CDH18: variants seen among roughly 807,000 people sequenced by gnomAD.
The protein encoded by CDH18 is cadherin 18, also known as cadherin-18.
A neutral mutation model predicts 67.9 loss-of-function variants in CDH18; 31 were observed. The observed-to-expected ratio is 0.46, with a 90% CI of 0.34 to 0.62. CDH18 has a LOEUF of 0.62. Ranked by LOEUF, CDH18 falls within the 20% of genes least tolerant of loss-of-function variation. The pLI, the probability that CDH18 is intolerant of heterozygous loss-of-function variation, is 0.01. For missense variants in CDH18, 890 were observed against 975.5 expected (o/e 0.91, Z 1.17); for synonymous variants, 362 against 347.2 (o/e 1.04, Z -0.48).
chr5:19,960,630 TATATGTATAC>T (rs1172259852), intron 2 of CDH18, among the ~76,000 whole-genome samples: 1 of 117,094 alleles, frequency 8.5e-6, no homozygotes, highest in Non-Finnish European at 1.6e-5. Flanking sequence ...TATACACGTG[TATATGTATAC>T]ATATACACGT....
intron 1 of CDH18, among the ~76,000 whole-genome samples, chr5:20,417,537 G>A (rs1434578668): frequency 6.6e-6 from 1 of 152,102 alleles, no homozygotes; most frequent in East Asian, 1.9e-4. Context: ...AATAAATATG[G>A]TGAAACCCCA....
chr5:20,301,473 T>A (rs1281828471), intron 1 of CDH18, among the ~76,000 whole-genome samples: 2 of 152,182 alleles, frequency 1.3e-5, no homozygotes, highest in South Asian at 2.1e-4. Context: ...GTGGCCTGCG[T>A]TCTGAGTGCC....
chr5:19,622,131 A>G (rs1750808656), intron 5 of CDH18, among the ~76,000 whole-genome samples: 1 of 152,162 alleles, frequency 6.6e-6, no homozygotes, highest in African/African-American at 2.4e-5. Flanking sequence ...GTACCTTGGC[A>G]ATGTGATTTC....
intron 2 of CDH18, among the ~76,000 whole-genome samples, chr5:19,869,648 T>G (rs1786001998): frequency 6.6e-6 from 1 of 152,180 alleles, no homozygotes; most frequent in African/African-American, 2.4e-5. Context: ...CTGTGAGGAT[T>G]AAATGAGATC....
chr5:19,598,361 T>G (rs965303721), intron 6 of CDH18, among the ~76,000 whole-genome samples: 2 of 152,168 alleles, frequency 1.3e-5, no homozygotes, highest in African/African-American at 4.8e-5. Flanking sequence ...TGTTAAAATA[T>G]TCAAAGGATG....
At position 20,420,349 on chromosome 5, in the gene CDH18, T is replaced by C. The variant is rs947285147; in HGVS notation, c.-580+155113A>G. 6.6e-5 allele frequency among the ~76,000 whole-genome samples: 10 copies of C among 151,212 alleles called. 1 individual carries two copies. Among genetic ancestry groups the C allele is most frequent in the African/African-American group, 2.0e-4 (8 of 40,522 alleles). On this transcript the variant is annotated intron_variant, in intron 1 of 14. Coordinates refer to the CDH18 transcript ENST00000507958. ...GAAATGATAAGAGTTAAGGACTTAT[T>C]CTTTATAGAATACCAACAATGAAAT...
chr5:20,462,762 T>C (rs1751362563), intron 1 of CDH18, among the ~76,000 whole-genome samples: 2 of 152,296 alleles, frequency 1.3e-5, no homozygotes, highest in South Asian at 2.1e-4. Context: ...TAACCCATAT[T>C]GCACAGATAA....
At chr5:19,840,189 A>G (rs1324045818) in intron 2 of CDH18, among the ~76,000 whole-genome samples, 3 of 149,540 alleles carry the variant, frequency 2.0e-5, no homozygotes, top group Non-Finnish European at 4.4e-5. Flanking sequence ...AATGGCGTGA[A>G]CCCGGGAGGT....
At chr5:19,755,420 T>A (rs1441851100) in intron 3 of CDH18, among the ~76,000 whole-genome samples, 1 of 110,266 alleles carries the variant, frequency 9.1e-6, no homozygotes, top group Non-Finnish European at 1.9e-5. Context: ...GGGACAGAAC[T>A]AACAGGGTAT....
chr5:20,344,713 T>C (rs1580799720), intron 1 of CDH18, among the ~76,000 whole-genome samples: 1 of 152,144 alleles, frequency 6.6e-6, no homozygotes, highest in East Asian at 1.9e-4. Context: ...GTCACTCTTC[T>C]TCCCATGGCC....
chr5:19,816,538 C>A (rs1779305199), intron 3 of CDH18, among the ~76,000 whole-genome samples: 1 of 151,746 alleles, frequency 6.6e-6, no homozygotes, highest in Non-Finnish European at 1.5e-5. Context: ...TAACATATTA[C>A]ATTAATAATC....
At chr5:19,961,420 T>A (rs891584041) in intron 2 of CDH18, among the ~76,000 whole-genome samples, 1 of 152,002 alleles carries the variant, frequency 6.6e-6, no homozygotes, top group African/African-American at 2.4e-5. Flanking sequence ...TACATTATAA[T>A]CTTATGAGAC....
chr5:20,238,985 C>T (rs7736067), intron 2 of CDH18, among the ~76,000 whole-genome samples: 78,009 of 151,986 alleles, frequency 0.51, 20,450 homozygotes, highest in Middle Eastern at 0.65. Flanking sequence ...GAAAACTATG[C>T]TCCAATTAAA....
chr5:19,880,947 T>G (rs1787577121), intron 2 of CDH18, among the ~76,000 whole-genome samples: 1 of 152,288 alleles, frequency 6.6e-6, no homozygotes, highest in Admixed American at 6.5e-5. Flanking sequence ...TTGTTGACAC[T>G]GCAAACAATT....
Position 20,375,422 on chromosome 5 carries a change from A to G in CDH18, c.-579-119917T>C, listed in dbSNP as rs540032373. On this transcript the variant is annotated intron_variant, in intron 1 of 14. Coordinates refer to the CDH18 transcript ENST00000507958. ...TAAGTTAAAAGATTTCCATGCATCT[A>G]TTACTCTCTTAAACAAGTATCACGT... Among the ~76,000 whole-genome samples, 3 of 152,304 alleles carry G rather than the reference A, an allele frequency of 2.0e-5. No individual in the cohort carries two copies. In the South Asian group the frequency reaches 6.2e-4, roughly 32 times the overall value.
chr5:20,288,425 T>C (rs927087647), intron 1 of CDH18, among the ~76,000 whole-genome samples: 2 of 147,392 alleles, frequency 1.4e-5, no homozygotes, highest in Non-Finnish European at 3.0e-5. Flanking sequence ...ATTTAGTTTC[T>C]AGTGGCTTCA....
intron 1 of CDH18, among the ~76,000 whole-genome samples, chr5:20,477,558 G>C (rs1019630144): frequency 6.6e-6 from 1 of 152,204 alleles, no homozygotes; most frequent in Non-Finnish European, 1.5e-5. Context: ...GGCAGAATTC[G>C]GATAGAGCCC....
At chr5:19,810,535 G>A (rs1230287463) in intron 3 of CDH18, among the ~76,000 whole-genome samples, 1 of 151,722 alleles carries the variant, frequency 6.6e-6, no homozygotes, top group East Asian at 1.9e-4. Context: ...AAACGAGGAT[G>A]AAACAAGTTC....
intron 3 of CDH18, among the ~76,000 whole-genome samples, chr5:19,768,846 T>C (rs574618100): frequency 7.9e-4 from 120 of 151,526 alleles, no homozygotes; most frequent in Non-Finnish European, 1.5e-3. Context: ...TCTCACAAAA[T>C]AGAAAAAATC....
Sources: allele counts gnomAD v4.1 joint callset (sites outside exome capture counted in the v4.1 genomes callset), GRCh38; gene constraint gnomAD v4.1.1; transcripts MANE v1.5; gene names NCBI Gene and HGNC (gene_info 2026-07-23, HGNC 2026-07-21).